The following NPIPB2 variants were observed in gnomAD, a reference collection of about 807,000 sequenced individuals.
The protein encoded by NPIPB2 is nuclear pore complex interacting protein family member B2.
In NPIPB2, 27 loss-of-function variants were observed where a neutral mutation model predicts 30.8. The ratio of observed to expected loss-of-function variants is 0.88; its 90% CI spans 0.65 to 1.21. The LOEUF (loss-of-function observed/expected upper bound fraction) is 1.21, where lower values mean the gene tolerates loss of function less well. Ranked by LOEUF, NPIPB2 falls within the 50% of genes most tolerant of loss-of-function variation. NPIPB2 has a pLI of 0.00. For synonymous variants in NPIPB2, 147 were observed against 162.0 expected (o/e 0.91, Z 0.70); for missense variants, 440 against 446.2 (o/e 0.99, Z 0.13).
chr16:11,945,527 A>G (rs2054997936), upstream of NPIPB2, among the ~76,000 whole-genome samples: 1 of 151,874 alleles, frequency 6.6e-6, no homozygotes, highest in African/African-American at 2.4e-5. Flanking sequence ...ATACAAAAAA[A>G]ATTAGCCAGG....
At chr16:11,946,229 T>G (rs1296937221), upstream of NPIPB2, among the ~76,000 whole-genome samples, 17 of 151,254 alleles carry the variant, frequency 1.1e-4, no homozygotes, top group Admixed American at 1.1e-3. Context: ...CTACTAAAAA[T>G]GCAAAATTAG....
chr16:11,970,394 C>G (rs8062121), intron 1 of NPIPB2, among the ~76,000 whole-genome samples: 17,666 of 151,632 alleles, frequency 0.12, 1,503 homozygotes, highest in African/African-American at 0.21. Context: ...GGTATTTTTA[C>G]TACAGATGGG....
At chr16:11,957,171 T>C (rs911722722) in intron 1 of NPIPB2, among the ~76,000 whole-genome samples, 3 of 149,516 alleles carry the variant, frequency 2.0e-5, no homozygotes, top group Non-Finnish European at 1.5e-5. Context: ...TTTTCTTTTT[T>C]TTTTTTTTTT....
intron 1 of NPIPB2, among the ~76,000 whole-genome samples, chr16:11,951,799 G>A (rs1324257853): frequency 2.0e-5 from 3 of 151,928 alleles, no homozygotes; most frequent in East Asian, 1.9e-4. Flanking sequence ...AGGCCGAGGC[G>A]GGCGGATGAT....
chr16:11,965,089 C>A, intron 1 of NPIPB2: 1 of 543,904 alleles, frequency 1.8e-6, no homozygotes, highest in Non-Finnish European at 3.3e-6. Context: ...TATTTACACC[C>A]TGTCTCTTAC....
At chr16:11,958,671 G>T (rs184311976) in intron 1 of NPIPB2, among the ~76,000 whole-genome samples, 2 of 152,270 alleles carry the variant, frequency 1.3e-5, no homozygotes, top group Admixed American at 1.3e-4. Context: ...GGCCGGGGAG[G>T]TTGAGGCTGC....
chr16:11,934,975 C>T (rs1224219534), intron 2 of NPIPB2, among the ~76,000 whole-genome samples: 1 of 143,006 alleles, frequency 7.0e-6, no homozygotes, highest in Non-Finnish European at 1.5e-5. Context: ...ACATGTTTCA[C>T]AACTTGAAAA....
chr16:11,972,478 G>A (rs2055241880), intron 1 of NPIPB2, among the ~76,000 whole-genome samples: 1 of 152,048 alleles, frequency 6.6e-6, no homozygotes, highest in Non-Finnish European at 1.5e-5. Context: ...TGGAGTGTGA[G>A]GCACAAGAAT....
chr16:11,931,834 C>T (rs2054793471), intron 4 of NPIPB2, among the ~76,000 whole-genome samples: 1 of 152,022 alleles, frequency 6.6e-6, no homozygotes, highest in Non-Finnish European at 1.5e-5. Context: ...AGTAAACAGA[C>T]AAGAGGTGAA....
At chr16:11,947,623 C>T (rs1400875941) in intron 1 of NPIPB2, among the ~76,000 whole-genome samples, 3 of 151,668 alleles carry the variant, frequency 2.0e-5, no homozygotes, top group East Asian at 1.9e-4. Context: ...GGATTACAGG[C>T]GTGAGCCACC....
At chr16:11,943,826 G>C (rs1342798361), upstream of NPIPB2, among the ~76,000 whole-genome samples, 1 of 150,478 alleles carries the variant, frequency 6.6e-6, no homozygotes, top group East Asian at 2.0e-4. Context: ...GTGAAACCCC[G>C]TCTCTACTAA....
intron 1 of NPIPB2, among the ~76,000 whole-genome samples, chr16:11,952,150 C>T (rs1273268973): frequency 1.1e-5 from 1 of 92,214 alleles, no homozygotes; most frequent in African/African-American, 3.7e-5. Flanking sequence ...GAGACTCTGC[C>T]TCAAAAAAAA....
intron 2 of NPIPB2, 132 bp from the exon 3 acceptor site, chr16:11,934,056 C>A: frequency 2.9e-6 from 2 of 684,470 alleles, no homozygotes; most frequent in Non-Finnish European, 2.6e-6. Flanking sequence ...GATGGTGAAA[C>A]CCCGTCTCTA....
At chr16:11,951,619 T>TACACACACACACACACAC (rs1237887146) in intron 1 of NPIPB2, among the ~76,000 whole-genome samples, 16 of 115,904 alleles carry the variant, frequency 1.4e-4, no homozygotes, top group African/African-American at 5.1e-4. Context: ...ACACTGCACA[T>TACACACACACACACACAC]ACACATACAC....
chr16:11,973,636 C>G (rs59320000), intron 1 of NPIPB2, among the ~76,000 whole-genome samples: 1 of 152,008 alleles, frequency 6.6e-6, no homozygotes. Context: ...GGTGCCATCT[C>G]GGCTCACTGC....
chr16:11,944,333 AT>A (rs2054978863), upstream of NPIPB2, among the ~76,000 whole-genome samples: 1 of 151,648 alleles, frequency 6.6e-6, no homozygotes, highest in Non-Finnish European at 1.5e-5. Flanking sequence ...CACCCAGCTA[AT>A]TTTTGTAGTT....
At chr16:11,965,202 C>T (rs2055183890) in intron 1 of NPIPB2, 11 of 1,317,934 alleles carry the variant, frequency 8.3e-6, no homozygotes, top group South Asian at 2.8e-5. Context: ...ACGAAGCAGG[C>T]GAAGTTCATT....
intron 1 of NPIPB2, among the ~76,000 whole-genome samples, chr16:11,973,270 T>C (rs1324108136): frequency 1.3e-5 from 2 of 151,964 alleles, no homozygotes; most frequent in Non-Finnish European, 2.9e-5. Context: ...CCTGAACTAG[T>C]TTTTCAGGTT....
At chr16:11,969,007 C>CAG (rs1420004179) in intron 1 of NPIPB2, among the ~76,000 whole-genome samples, 1 of 151,806 alleles carries the variant, frequency 6.6e-6, no homozygotes, top group African/African-American at 2.4e-5. Flanking sequence ...GCTGGGATTA[C>CAG]AGGCACGTGG....
Sources: allele counts gnomAD v4.1 joint callset (sites outside exome capture counted in the v4.1 genomes callset), GRCh38; gene constraint gnomAD v4.1.1; transcripts MANE v1.5; gene names NCBI Gene and HGNC (gene_info 2026-07-23, HGNC 2026-07-21).